PKHD1L1: variants seen among roughly 807,000 people sequenced by gnomAD.
PKHD1L1 encodes PKHD1 like 1.
PKHD1L1 carries 434 observed loss-of-function variants against 462.9 expected under a neutral mutation model. The observed-to-expected ratio is 0.94, with a 90% CI of 0.87 to 1.02. The LOEUF (loss-of-function observed/expected upper bound fraction) is 1.02. Ranked by LOEUF, PKHD1L1 falls within the 50% of genes least tolerant of loss-of-function variation. PKHD1L1 has a pLI of 0.00. For synonymous variants in PKHD1L1, 1,781 were observed against 1,750.0 expected (o/e 1.02, Z -0.44); for missense variants, 5,202 against 5,096.1 (o/e 1.02, Z -0.63).
At chr8:109,436,206 A>G in intron 29 of PKHD1L1, 132 bp from the exon 30 acceptor site, 1 of 913,262 alleles carries the variant, frequency 1.1e-6, no homozygotes, top group South Asian at 1.8e-5. Flanking sequence ...CTGGTCCTTG[A>G]TCTATTGGCC....
chr8:109,451,188 C>G (rs367622309), intron 41 of PKHD1L1, 39 bp downstream of exon 41: 4 of 1,542,834 alleles, frequency 2.6e-6, no homozygotes, highest in African/African-American at 2.7e-5. Flanking sequence ...TGTGCATTTC[C>G]AGACTTGAGC....
chr8:109,454,813 A>G lies in PKHD1L1; in HGVS notation c.6835A>G (p.Lys2279Glu). 2 of 1,613,820 alleles carry G rather than the reference A, an allele frequency of 1.2e-6. No homozygotes were observed. Among genetic ancestry groups the G allele is most frequent in the Non-Finnish European group, 1.7e-6 (2 of 1,179,770 alleles). Reference sequence around the variant, plus strand: ...TCCTGAGCTCCCTGTCTATGGTGCCAAAACACTGGCTGTGCGGGAGGGAAT... The same window carrying G: ...TCCTGAGCTCCCTGTCTATGGTGCCGAAACACTGGCTGTGCGGGAGGGAAT... Reference protein sequence around the residue: ...RSPELPVYGAKTLAVREGILD... With the variant: ...RSPELPVYGAETLAVREGILD... Residue 2279 changes from lysine (K) to glutamate (E), a missense_variant, in exon 45 of 78, where the codon AAA (lysine) becomes GAA (glutamate). Lys to Glu is a moderately conservative substitution (Grantham distance 56). Coordinates refer to ENST00000378402, the MANE Select transcript of PKHD1L1 (RefSeq NM_177531.6).
intron 9 of PKHD1L1, among the ~76,000 whole-genome samples, chr8:109,393,856 C>T (rs1229190640): frequency 6.6e-6 from 1 of 152,056 alleles, no homozygotes; most frequent in Non-Finnish European, 1.5e-5. Flanking sequence ...CTTTTGTATG[C>T]TTTTTTATGT....
chr8:109,515,170 G>T lies in PKHD1L1; in HGVS notation c.11554G>T (p.Ala3852Ser), dbSNP rs750570668. 6.4e-6 allele frequency: 10 copies of T among 1,567,786 alleles called. No homozygotes were observed. In the South Asian group the frequency reaches 1.1e-4, roughly 17 times the overall value. ...LMLLNVDHNKAVLVGIFFSTL... is the reference protein window; with the variant it reads ...LMLLNVDHNKSVLVGIFFSTL... ...CTTAAAACTTTTTTTTCTTTAATAG[G>T]CTGTTCTAGTAGGAATTTTCTTTTC... The change falls in exon 72 of 78, where the codon GCT becomes TCT. Residue 3852 changes from alanine (A) to serine (S), a missense_variant and splice_region_variant. Ala to Ser is a moderately conservative substitution (Grantham distance 99). This residue lies in a region of PKHD1L1 where 698 missense variants were observed against 736.3 expected (regional missense o/e 0.95). Transcript: ENST00000378402.
rs759062593 is a variant in PKHD1L1 at position 109,443,702 on chromosome 8, A to AG, written c.4592dup (p.Ser1531ArgfsTer21). ...AGGACCTGAGAATTTGCACTTGGGAAGCTCTGTGGCAGGCTGCCTAGCAAC... is the reference window on the plus strand; with the variant it reads ...AGGACCTGAGAATTTGCACTTGGGAAGGCTCTGTGGCAGGCTGCCTAGCAAC... On this transcript the variant is annotated frameshift_variant, in exon 37 of 78. Transcript: ENST00000378402. LOFTEE classifies it high-confidence loss of function. The AG allele has an allele frequency of 2.4e-5, 39 of 1,612,826 alleles. No homozygotes were observed. Among genetic ancestry groups the AG allele is most frequent in the South Asian group, 2.3e-4 (21 of 90,902 alleles).
Position 109,452,146 on chromosome 8 carries a change from A to G in PKHD1L1, c.6373A>G (p.Ile2125Val). The G allele has an allele frequency of 6.2e-7, 1 of 1,611,356 alleles. No individual in the cohort carries two copies. The highest frequency in any genetic ancestry group is 8.5e-7 in the Non-Finnish European group (1 of 1,178,882). ...GFSENMEDVH[I>V]TIAEAKCDVE... ...CAGTGAAAATATGGAGGATGTTCAT[A>G]TCACCATAGCTGAAGCCAAATGTGA... Residue 2125 changes from isoleucine (I) to valine (V), a missense_variant, in exon 42 of 78, where the codon ATC (isoleucine) becomes GTC (valine). Physicochemically the swap from Ile to Val is conservative, Grantham distance 29 (BLOSUM62 3). Around this residue, in one of 3 missense-constraint regions of PKHD1L1, gnomAD observed 4,497 missense variants for 4,336.8 expected, o/e 1.04. Coordinates refer to ENST00000378402, the MANE Select transcript of PKHD1L1 (RefSeq NM_177531.6).
intron 2 of PKHD1L1, among the ~76,000 whole-genome samples, chr8:109,375,605 C>T (rs1400208809): frequency 2.0e-5 from 3 of 152,188 alleles, no homozygotes; most frequent in Non-Finnish European, 4.4e-5. Flanking sequence ...AGTTTTTCTG[C>T]TCTGTTTTTT....
intron 4 of PKHD1L1, 31 bp from the exon 5 acceptor site, chr8:109,384,039 A>G: frequency 7.0e-7 from 1 of 1,438,452 alleles, no homozygotes; most frequent in Non-Finnish European, 9.8e-7. Context: ...AACAGAGATA[A>G]GTTTTCATAT....
chr8:109,503,346 T>A (rs1240570115), intron 67 of PKHD1L1, among the ~76,000 whole-genome samples: 1 of 149,116 alleles, frequency 6.7e-6, no homozygotes, highest in East Asian at 2.0e-4. Context: ...CAGCTATGGG[T>A]GGTTTGCAGC....
intron 67 of PKHD1L1, among the ~76,000 whole-genome samples, chr8:109,502,462 T>A (rs997390540): frequency 6.6e-6 from 1 of 152,188 alleles, no homozygotes; most frequent in Admixed American, 6.5e-5. Flanking sequence ...ATTCAGCACA[T>A]TCTGAGACTT....
rs1422404833 is a variant in PKHD1L1 at position 109,400,456 on chromosome 8, A to G, written c.1281+112A>G. The G allele has an allele frequency of 1.4e-5, 17 of 1,255,582 alleles. No individual in the cohort carries two copies. In the Middle Eastern group the frequency reaches 8.2e-4, roughly 60 times the overall value. 77.8% of individuals were successfully genotyped at this position (1,255,582 alleles called of 1,614,324 possible). A position where few individuals can be genotyped will look rare whatever the true frequency, so the allele number is the denominator to read the frequency against. ...ACATTTTTAAAATGTATGAGAAATG[A>G]TGTCATGTGGTTTGGCTCTTGGCTA... On this transcript the variant is annotated intron_variant, in intron 13 of 77. Transcript: ENST00000378402.
chr8:109,370,282 T>C (rs6469256), intron 2 of PKHD1L1, among the ~76,000 whole-genome samples: 91,149 of 151,734 alleles, frequency 0.6, 28,104 homozygotes, highest in African/African-American at 0.73. Context: ...CATCTGGCTA[T>C]TTTTTATATT....
chr8:109,451,998 A>G (rs1816546130), intron 41 of PKHD1L1, 126 bp from the exon 42 acceptor site: 1 of 762,078 alleles, frequency 1.3e-6, no homozygotes, highest in East Asian at 3.1e-5. Flanking sequence ...ATCAATCTAC[A>G]CTTTGGTGGC....
At chr8:109,389,826 CCTT>C (rs1320172741) in intron 8 of PKHD1L1, among the ~76,000 whole-genome samples, 23 of 152,198 alleles carry the variant, frequency 1.5e-4, no homozygotes, top group African/African-American at 5.5e-4. Flanking sequence ...ACGCGCCTGG[CCTT>C]CTTTTAATTC....
chr8:109,519,535 T>C (rs984448680), intron 73 of PKHD1L1, among the ~76,000 whole-genome samples: 1 of 152,064 alleles, frequency 6.6e-6, no homozygotes, highest in Non-Finnish European at 1.5e-5. Flanking sequence ...TATCCCCCAC[T>C]GCTAACCTGC....
intron 25 of PKHD1L1, among the ~76,000 whole-genome samples, chr8:109,427,752 A>T (rs1426773459): frequency 6.6e-6 from 1 of 151,992 alleles, no homozygotes; most frequent in East Asian, 1.9e-4. Context: ...TCAGCCAGGC[A>T]CAGTGGCTCA....
Position 109,448,378 on chromosome 8 carries a change from T to G in PKHD1L1, c.6012T>G (p.Ile2004Met). Residue 2004 changes from isoleucine to methionine, a missense_variant, in exon 39 of 78, where the codon ATT becomes ATG. Physicochemically the swap from Ile to Met is conservative, Grantham distance 10. Around this residue, in one of 3 missense-constraint regions of PKHD1L1, gnomAD observed 4,497 missense variants for 4,336.8 expected, o/e 1.04. Transcript: ENST00000378402. ...VFEYPLNIQN[I>M]NPSQGSFGGG... ...AGTACCCGCTTAATATTCAAAATAT[T>G]AATCCAAGCCAAGGTAGTCATAAGT... 6.2e-7 allele frequency: 1 copy of G among 1,612,106 alleles called. No homozygotes were observed.
chr8:109,456,210 A>G (rs1816813219), intron 45 of PKHD1L1, 52 bp from the exon 46 acceptor site: 2 of 1,534,022 alleles, frequency 1.3e-6, no homozygotes, highest in African/African-American at 1.4e-5. Context: ...AAAGTTCTCA[A>G]TAACAAATCA....
chr8:109,429,880 T>C, intron 26 of PKHD1L1, 52 bp from the exon 27 acceptor site: 1 of 1,182,412 alleles, frequency 8.5e-7, no homozygotes. Context: ...ATTCATATTC[T>C]ACTGCTGCCT....
Sources: allele counts gnomAD v4.1 joint callset (sites outside exome capture counted in the v4.1 genomes callset), GRCh38; gene constraint gnomAD v4.1.1; regional missense constraint gnomAD v4.1.1; transcripts MANE v1.5; gene names NCBI Gene and HGNC (gene_info 2026-07-23, HGNC 2026-07-21).